The following C8orf34 variants were observed in gnomAD, a reference collection of about 807,000 sequenced individuals.
C8orf34 encodes the protein uncharacterized protein C8orf34.
In C8orf34, 65 loss-of-function variants were observed where a neutral mutation model predicts 68.3. That is an observed-to-expected ratio of 0.95 (90% CI 0.78 to 1.17). C8orf34 has a LOEUF of 1.17. C8orf34 is among the 50% of genes most tolerant of loss of function. The probability of loss-of-function intolerance (pLI) is 0.00; values close to 1 mark genes in which losing one functional copy is unlikely to be tolerated. For missense variants in C8orf34, 664 were observed against 655.4 expected (o/e 1.01, Z -0.14); for synonymous variants, 244 against 241.2 (o/e 1.01, Z -0.11).
rs145138952 is a variant in C8orf34 at position 68,669,115 on chromosome 8, C to T, written c.1241+28604C>T. On this transcript the variant is annotated intron_variant, in intron 8 of 13. Transcript: ENST00000518698. ...TAATTTGTTATATAGGAATAAAAAA[C>T]GAATAACTCACCTTAAATATCCATT... is the stretch of plus-strand genomic sequence containing the variant. Among the ~76,000 whole-genome samples the T allele has an allele frequency of 4.4e-3, 674 of 152,174 alleles. 11 individuals are homozygous for T. Among genetic ancestry groups the T allele is most frequent in the African/African-American group, 0.015 (626 of 41,508 alleles).
chr8:68,720,966 C>T (rs1227132875), intron 9 of C8orf34, among the ~76,000 whole-genome samples: 1 of 151,812 alleles, frequency 6.6e-6, no homozygotes, highest in Non-Finnish European at 1.5e-5. Context: ...CAAAATATTA[C>T]TCAAATTGTG....
chr8:68,492,506 A>C (rs759017430), intron 5 of C8orf34, among the ~76,000 whole-genome samples: 16 of 151,986 alleles, frequency 1.1e-4, no homozygotes, highest in Non-Finnish European at 1.9e-4. Flanking sequence ...TTTGTGCATG[A>C]GCCACCATGC....
chr8:68,756,024 G>A (rs746534116), intron 10 of C8orf34, among the ~76,000 whole-genome samples: 6 of 151,276 alleles, frequency 4.0e-5, no homozygotes, highest in East Asian at 1.9e-4. Flanking sequence ...CCGAGATTGC[G>A]CCACTGCACT....
chr8:68,685,229 ATC>A (rs1563608361), intron 8 of C8orf34, among the ~76,000 whole-genome samples: 1 of 152,084 alleles, frequency 6.6e-6, no homozygotes, highest in East Asian at 1.9e-4. Context: ...CCTCTTCATT[ATC>A]TCTTTAGACA....
At chr8:68,354,198 T>A (rs1435928956) in intron 1 of C8orf34, among the ~76,000 whole-genome samples, 1 of 152,156 alleles carries the variant, frequency 6.6e-6, no homozygotes, top group Non-Finnish European at 1.5e-5. Flanking sequence ...AGTATGAGAT[T>A]AGTTAGAATT....
At chr8:68,773,780 G>T (rs962392641) in intron 10 of C8orf34, among the ~76,000 whole-genome samples, 1 of 152,088 alleles carries the variant, frequency 6.6e-6, no homozygotes, top group Non-Finnish European at 1.5e-5. Flanking sequence ...CCGTTGTATG[G>T]CCCTTGAAAC....
intron 10 of C8orf34, among the ~76,000 whole-genome samples, chr8:68,744,436 G>C (rs1793957566): frequency 6.6e-6 from 1 of 152,128 alleles, no homozygotes; most frequent in Non-Finnish European, 1.5e-5. Context: ...AAATTACTCT[G>C]AGCTATGGGA....
At chr8:68,482,667 A>G (rs1812911586) in intron 4 of C8orf34, among the ~76,000 whole-genome samples, 2 of 152,018 alleles carry the variant, frequency 1.3e-5, no homozygotes, top group Admixed American at 1.3e-4. Flanking sequence ...CTTTAACATT[A>G]CTCTTTATAC....
Position 68,331,213 on chromosome 8 carries a change from C to T in C8orf34, c.201C>T (p.Ser67=). The T allele has an allele frequency of 6.5e-7, 1 of 1,535,650 alleles. No homozygotes were observed. Among genetic ancestry groups the T allele is most frequent in the Non-Finnish European group, 8.7e-7 (1 of 1,146,710 alleles). Residue 67 remains serine (S), a synonymous_variant, in exon 1 of 14, where the codon AGC becomes AGT. Transcript: ENST00000518698. The part of the protein sequence containing the change: ...PSPGKRRVVP[S]GGAQPRVLPA... ...CGGGTAAAAGGAGGGTTGTCCCCAG[C>T]GGAGGCGCACAGCCGCGCGTTCTCC...
intron 8 of C8orf34, among the ~76,000 whole-genome samples, chr8:68,688,063 A>G (rs1364381423): frequency 2.6e-5 from 4 of 152,152 alleles, no homozygotes; most frequent in African/African-American, 9.6e-5. Flanking sequence ...AATGCAAATT[A>G]AAGCTATGAT....
rs539035223 is a variant in C8orf34 at position 68,572,295 on chromosome 8, C to T, written c.1105+39146C>T. Among the ~76,000 whole-genome samples, 5 of 151,588 alleles carry T rather than the reference C, an allele frequency of 3.3e-5. No individual in the cohort carries two copies. The South Asian group carries it at 8.4e-4, about 25-fold the overall frequency. On this transcript the variant is annotated intron_variant, in intron 7 of 13. Coordinates refer to ENST00000518698, the MANE Select transcript of C8orf34 (RefSeq NM_052958.4). ...TTCAAGCAAAAAATTTGTCAAACTA[C>T]GTTTTTCAATAATTGGTCTTCTTAA...
intron 4 of C8orf34, among the ~76,000 whole-genome samples, chr8:68,479,835 A>G (rs1812782909): frequency 6.6e-6 from 1 of 152,258 alleles, no homozygotes; most frequent in Admixed American, 6.5e-5. Flanking sequence ...TGGTTAATCA[A>G]GGATGAAAAT....
intron 1 of C8orf34, among the ~76,000 whole-genome samples, chr8:68,385,057 C>T: frequency 6.6e-6 from 1 of 152,140 alleles, no homozygotes; most frequent in Non-Finnish European, 1.5e-5. Context: ...TGGTTATATC[C>T]TTGTGAATGT....
At chr8:68,354,578 C>T (rs570460835) in intron 1 of C8orf34, among the ~76,000 whole-genome samples, 50 of 152,166 alleles carry the variant, frequency 3.3e-4, no homozygotes, top group African/African-American at 1.2e-3. Context: ...GCTGCATCAT[C>T]CTTCCCTGAT....
chr8:68,446,602 G>A (rs1039198057), intron 3 of C8orf34, 142 bp downstream of exon 3: 12 of 778,624 alleles, frequency 1.5e-5, no homozygotes, highest in Admixed American at 9.6e-5. Flanking sequence ...CTTTTACTCC[G>A]CATTTACATT....
chr8:68,604,625 C>T (rs78381366), intron 7 of C8orf34, among the ~76,000 whole-genome samples: 2,311 of 151,940 alleles, frequency 0.015, 68 homozygotes, highest in African/African-American at 0.052. Flanking sequence ...ATAGTTTCAC[C>T]GAAATATGCT....
chr8:68,709,878 A>C (rs1187273642), intron 9 of C8orf34, among the ~76,000 whole-genome samples: 1 of 152,218 alleles, frequency 6.6e-6, no homozygotes, highest in Non-Finnish European at 1.5e-5. Context: ...TCTAAGGTAC[A>C]TCACGTCTTC....
intron 10 of C8orf34, among the ~76,000 whole-genome samples, chr8:68,759,674 T>G (rs1034364450): frequency 1.3e-5 from 2 of 152,240 alleles, no homozygotes; most frequent in African/African-American, 4.8e-5. Flanking sequence ...AAGTTATCCT[T>G]GATTTTTCTG....
At position 68,440,129 on chromosome 8, in the gene C8orf34, G is replaced by A. The variant is rs16934620; in HGVS notation, c.475+483G>A. On this transcript the variant is annotated intron_variant, in intron 2 of 13. Transcript: ENST00000518698. ...ACTGACTCTTTACATCAGGGAACTA[G>A]TTTTTCGAGTGTATCATAGCCTCCT... Among the ~76,000 whole-genome samples, 262 of 152,264 alleles carry A rather than the reference G, an allele frequency of 1.7e-3. 4 individuals are homozygous for A. In the East Asian group the frequency reaches 0.036, roughly 21 times the overall value.
Sources: allele counts gnomAD v4.1 joint callset (sites outside exome capture counted in the v4.1 genomes callset), GRCh38; gene constraint gnomAD v4.1.1; transcripts MANE v1.5; gene names NCBI Gene and HGNC (gene_info 2026-07-23, HGNC 2026-07-21).